Variants in ASXL2 observed in about 807,000 individuals in gnomAD.
The protein encoded by ASXL2 is ASXL transcriptional regulator 2.
ASXL2 carries 23 observed loss-of-function variants against 122.0 expected under a neutral mutation model. The ratio of observed to expected loss-of-function variants is 0.19; its 90% confidence interval spans 0.14 to 0.27. The LOEUF is 0.27. Ranked by LOEUF, ASXL2 falls within the 10% of genes least tolerant of loss-of-function variation. The probability of loss-of-function intolerance (pLI) is 1.00; values close to 1 mark genes in which losing one functional copy is unlikely to be tolerated. For synonymous variants in ASXL2, 650 were observed against 637.0 expected (o/e 1.02, Z -0.31); for missense variants, 1,518 against 1,713.8 (o/e 0.89, Z 2.02).
Position 25,734,069 on chromosome 2 carries a change from A to T in ASXL2, c.*7960T>A, listed in dbSNP as rs1045656483. The T allele has an allele frequency of 5.3e-5, 8 of 151,406 alleles. No individual in the cohort carries two copies. Among genetic ancestry groups the T allele is most frequent in the African/African-American group, 1.5e-4 (6 of 41,216 alleles). The allele number at this position is 151,406 out of a possible 1,614,324, so 9.4% of individuals were successfully genotyped here. A position where few individuals can be genotyped will look rare whatever the true frequency, so the allele number is the denominator to read the frequency against. The stretch of plus-strand genomic sequence containing the variant: ...AATTAAGACAGGTTTTTTTTTTTTA[A>T]AAAAAATAGGTCAAAGCACTTACAG... On this transcript the variant is annotated 3_prime_UTR_variant, in exon 13 of 13. Transcript: ENST00000435504.
chr2:25,810,156 A>T, intron 3 of ASXL2: 1 of 566,410 alleles, frequency 1.8e-6, no homozygotes, highest in South Asian at 1.4e-5. Flanking sequence ...AGCATCACTC[A>T]GACACTTCAG....
At chr2:25,772,236 T>C (rs1055971171) in intron 5 of ASXL2, among the ~76,000 whole-genome samples, 1 of 152,200 alleles carries the variant, frequency 6.6e-6, no homozygotes, top group Admixed American at 6.5e-5. Flanking sequence ...TTAAACAATA[T>C]GTGAGTAGTG....
chr2:25,869,272 A>G (rs1574456816), intron 1 of ASXL2, among the ~76,000 whole-genome samples: 2 of 152,100 alleles, frequency 1.3e-5, no homozygotes, highest in Admixed American at 6.6e-5. Flanking sequence ...TCAAGGCTGC[A>G]GTCAGCTGAG....
At chr2:25,764,388 G>C (rs934901224) in intron 8 of ASXL2, among the ~76,000 whole-genome samples, 4 of 151,974 alleles carry the variant, frequency 2.6e-5, no homozygotes, top group Non-Finnish European at 4.4e-5. Flanking sequence ...AACTGTTGTG[G>C]GCCACACATA....
At chr2:25,756,836 T>C (rs913125178) in intron 9 of ASXL2, among the ~76,000 whole-genome samples, 2 of 152,260 alleles carry the variant, frequency 1.3e-5, no homozygotes, top group African/African-American at 4.8e-5. Flanking sequence ...CAGCTGGAAA[T>C]TGCCTAGTGG....
At chr2:25,769,499 A>G (rs1234663436) in intron 6 of ASXL2, among the ~76,000 whole-genome samples, 1 of 152,172 alleles carries the variant, frequency 6.6e-6, no homozygotes, top group Non-Finnish European at 1.5e-5. Flanking sequence ...TTCTAACAAC[A>G]GTGTGGTTCC....
At chr2:25,825,409 C>G (rs2089364517) in intron 3 of ASXL2, among the ~76,000 whole-genome samples, 1 of 152,152 alleles carries the variant, frequency 6.6e-6, no homozygotes, top group African/African-American at 2.4e-5. Context: ...TTTCATCTTA[C>G]AAAACGGAAA....
intron 4 of ASXL2, among the ~76,000 whole-genome samples, chr2:25,800,550 T>G (rs1259880862): frequency 6.6e-6 from 1 of 152,214 alleles, no homozygotes; most frequent in Non-Finnish European, 1.5e-5. Context: ...ACAAATCATA[T>G]GAAACTCTTT....
intron 1 of ASXL2, among the ~76,000 whole-genome samples, chr2:25,864,652 CA>C (rs1468036547): frequency 1.3e-5 from 2 of 151,694 alleles, no homozygotes; most frequent in Non-Finnish European, 2.9e-5. Flanking sequence ...TAGTATATCT[CA>C]AACTTTAGTA....
At position 25,750,097 on chromosome 2, in the gene ASXL2, C is replaced by T. The variant is rs764276920; in HGVS notation, c.1459G>A (p.Asp487Asn). ...GTGACTGGCTTCTGCTCCAAGAGATCCTCATCCTTTGGGCACTTGATGGGA... is the reference window on the plus strand; with the variant it reads ...GTGACTGGCTTCTGCTCCAAGAGATTCTCATCCTTTGGGCACTTGATGGGA... ...ILPIKCPKDE[D>N]LLEQKPVTSA... Residue 487 changes from aspartate to asparagine, a missense_variant, in exon 12 of 13, where the codon GAT (aspartate) becomes AAT (asparagine). This residue lies in a region of ASXL2 where 292 missense variants were observed against 293.5 expected (regional missense o/e 1.00). Transcript: ENST00000435504. 1 of 1,613,940 alleles carries T rather than the reference C, an allele frequency of 6.2e-7. No individual in the cohort carries two copies. Among genetic ancestry groups the T allele is most frequent in the East Asian group, 2.2e-5 (1 of 44,890 alleles).
At chr2:25,753,134 A>T (rs971095971) in intron 11 of ASXL2, among the ~76,000 whole-genome samples, 2 of 151,198 alleles carry the variant, frequency 1.3e-5, no homozygotes, top group Non-Finnish European at 3.0e-5. Flanking sequence ...CGCCCAACTA[A>T]TTTTGTATTT....
In ASXL2 at chr2:25,743,992, G is replaced by A. The variant is rs773362417; in HGVS notation, c.2345C>T (p.Thr782Ile). ...TGTGCATGCTCCACTGACGGCAGGT[G>A]TTGGAGGCACTGGGGGGGTTTGCTG... ...QLQQTPPVPP[T>I]PAVSGACTSV... is the part of the protein sequence containing the mutation. The change falls in exon 13 of 13, where the codon ACA becomes ATA. Residue 782 changes from threonine (T) to isoleucine (I), a missense_variant. Around this residue, in one of 8 missense-constraint regions of ASXL2, gnomAD observed 831 missense variants for 833.1 expected, o/e 1.00. Coordinates refer to ENST00000435504, the MANE Select transcript of ASXL2 (RefSeq NM_018263.6). 2.5e-6 allele frequency: 4 copies of A among 1,614,038 alleles called. No individual in the cohort carries two copies. The highest frequency in any genetic ancestry group is 2.5e-6 in the Non-Finnish European group (3 of 1,179,894).
At chr2:25,849,823 G>A (rs1305616574) in intron 1 of ASXL2, among the ~76,000 whole-genome samples, 3 of 152,140 alleles carry the variant, frequency 2.0e-5, no homozygotes. Flanking sequence ...ACAGATGTGA[G>A]CTACCATGCC....
At chr2:25,785,281 A>C (rs2088720355) in intron 5 of ASXL2, among the ~76,000 whole-genome samples, 1 of 152,180 alleles carries the variant, frequency 6.6e-6, no homozygotes, top group Admixed American at 6.5e-5. Flanking sequence ...GCTGGAGGAC[A>C]GTGGCACAAT....
intron 3 of ASXL2, among the ~76,000 whole-genome samples, chr2:25,821,193 C>CA (rs1182372256): frequency 4.0e-5 from 6 of 151,622 alleles, no homozygotes; most frequent in Admixed American, 1.3e-4. Flanking sequence ...AAGAAAAAAT[C>CA]AAAAAAATAA....
At chr2:25,782,080 A>C (rs1429023769) in intron 5 of ASXL2, among the ~76,000 whole-genome samples, 1 of 149,928 alleles carries the variant, frequency 6.7e-6, no homozygotes, top group Admixed American at 6.7e-5. Context: ...TGCTGGGACT[A>C]CAAGCATGGG....
chr2:25,813,245 C>A (rs928026712), intron 3 of ASXL2, among the ~76,000 whole-genome samples: 1 of 152,158 alleles, frequency 6.6e-6, no homozygotes, highest in African/African-American at 2.4e-5. Flanking sequence ...AACAGCCACA[C>A]CACACTGTGA....
chr2:25,749,785 G>A lies in ASXL2; in HGVS notation c.1771C>T (p.Arg591Cys), dbSNP rs760621031. The A allele has an allele frequency of 3.1e-6, 5 of 1,603,816 alleles. No individual in the cohort carries two copies. The highest frequency in any genetic ancestry group is 1.7e-5 in the Admixed American group (1 of 57,282). ...WEKRPRVTEN[R>C]QHQQPFQVSP... ...ACCTGAAATGGCTGCTGGTGCTGGC[G>A]ATTCTCAGTGACACGTGGCCTCTTC... The change falls in exon 12 of 13, where the codon CGC (arginine) becomes TGC (cysteine). Residue 591 changes from arginine to cysteine, a missense_variant. This residue lies in a region of ASXL2 where 292 missense variants were observed against 293.5 expected (regional missense o/e 1.00). Coordinates refer to ENST00000435504, the MANE Select transcript of ASXL2 (RefSeq NM_018263.6).
At chr2:25,765,244 A>G (rs561309885) in intron 8 of ASXL2, among the ~76,000 whole-genome samples, 144 of 152,140 alleles carry the variant, frequency 9.5e-4, no homozygotes, top group African/African-American at 2.4e-3. Context: ...CCAGCACTTT[A>G]GGAGGCCAAG....
Sources: allele counts gnomAD v4.1 joint callset (sites outside exome capture counted in the v4.1 genomes callset), GRCh38; gene constraint gnomAD v4.1.1; regional missense constraint gnomAD v4.1.1; transcripts MANE v1.5; gene names NCBI Gene and HGNC (gene_info 2026-07-23, HGNC 2026-07-21).